CCDC116: variants seen among roughly 807,000 people sequenced by gnomAD.
The protein encoded by CCDC116 is coiled-coil domain containing 116.
Under a neutral mutation model 29.4 loss-of-function variants are expected in CCDC116, and 24 were observed. That is an observed-to-expected ratio of 0.82 (90% CI 0.59 to 1.15). CCDC116 has a LOEUF of 1.15. CCDC116 is among the 50% of genes most tolerant of loss of function. CCDC116 has a pLI of 0.00. For missense variants in CCDC116, 791 were observed against 804.0 expected, an observed-to-expected ratio of 0.98 and a Z score of 0.20; for synonymous variants, 298 against 331.4, an observed-to-expected ratio of 0.90 and a Z score of 1.10.
rs975545009 is a variant in CCDC116 at position 21,634,076 on chromosome 22, G to C, written c.127G>C (p.Gly43Arg). 43 of 1,613,918 alleles carry C rather than the reference G, an allele frequency of 2.7e-5. No homozygotes were observed. The highest frequency in any genetic ancestry group is 3.6e-5 in the Non-Finnish European group (42 of 1,179,914). ...AGAAATGCGGCCAGCCTGCAAGCCG[G>C]GCCGTGTGCCACACCCACCATCCAC... ...VPEMRPACKP[G>R]RVPHPPSTCG... Residue 43 changes from glycine (G) to arginine (R), a missense_variant, in exon 3 of 5, where the codon GGC (glycine) becomes CGC (arginine). Transcript: ENST00000292779.
chr22:21,633,085 T>G (rs557330925), intron 1 of CCDC116, 35 bp from the exon 2 acceptor site: 3 of 963,420 alleles, frequency 3.1e-6, no homozygotes, highest in African/African-American at 3.2e-5. Flanking sequence ...GTGGACCTAT[T>G]GGAGACCCTC....
chr22:21,636,449 C>T lies in CCDC116; in HGVS notation c.1221C>T (p.Ser407=). 6.2e-7 allele frequency: 1 copy of T among 1,613,140 alleles called. No individual in the cohort carries two copies. Among genetic ancestry groups the T allele is most frequent in the Non-Finnish European group, 8.5e-7 (1 of 1,179,730 alleles). Residue 407 remains serine, a synonymous_variant, in exon 5 of 5, where the codon AGC becomes AGT. Transcript: ENST00000292779. ...RFKLKSPCSS[S]RFTKKKPLPS... ...CTATGCAGAGCCCCTGCAGCAGCAG[C>T]AGGTTCACGAAGAAGAAGCCGCTGC... is the stretch of plus-strand genomic sequence containing the variant.
At chr22:21,633,966 G>A (rs1380000878) in intron 2 of CCDC116, 56 bp from the exon 3 acceptor site, 2 of 1,513,992 alleles carry the variant, frequency 1.3e-6, no homozygotes, top group Non-Finnish European at 1.8e-6. Flanking sequence ...TGTTACCCCA[G>A]GGAACCCTTC....
rs555243931 is a variant in CCDC116, at chr22:21,637,069, A to G, written c.1841A>G (p.Ter614TrpextTer24). 23 of 1,600,130 alleles carry G rather than the reference A, an allele frequency of 1.4e-5. No individual in the cohort carries two copies. The South Asian group carries it at 2.3e-4, about 16-fold the overall frequency. Residue 614 changes from the stop codon to tryptophan, a stop_lost, in exon 5 of 5, where the codon TAG becomes TGG. Transcript: ENST00000292779. ...GAGGACAAGGATGAGGATGGAGTCT[A>G]GAGCCTCCCAGAGCCTGGAGAGGAG... Reference protein sequence around the residue: ...QDEDKDEDGV* With the variant: ...QDEDKDEDGVW
Position 21,634,592 on chromosome 22 carries a change from G to A in CCDC116, c.621+22G>A, listed in dbSNP as rs752657185. 3.2e-6 allele frequency: 5 copies of A among 1,578,300 alleles called. No homozygotes were observed. The South Asian group carries it at 5.8e-5, about 18-fold the overall frequency. On this transcript the variant is annotated intron_variant, in intron 3 of 4. Transcript: ENST00000292779. The stretch of plus-strand genomic sequence containing the variant: ...AGGGGTGAGAGCCAGGGCCATGGCT[G>A]GGTGGGGTGGACTCCCATGGAGAGC...
rs1244378364 is a variant in CCDC116, at chr22:21,634,988, C to T, written c.925C>T (p.Leu309Phe). 1 of 1,611,630 alleles carries T rather than the reference C, an allele frequency of 6.2e-7. No individual in the cohort carries two copies. The highest frequency in any genetic ancestry group is 1.1e-5 in the South Asian group (1 of 91,078). Reference sequence around the variant, plus strand: ...GCTGAACTTCCTGGCTGACCACCGCCTCTTCCCTGCCCTGCAAAGCGTGGT... The same window carrying T: ...GCTGAACTTCCTGGCTGACCACCGCTTCTTCCCTGCCCTGCAAAGCGTGGT... Reference protein sequence around the residue: ...RTLNFLADHRLFPALQSVVSQ... With the variant: ...RTLNFLADHRFFPALQSVVSQ... The change falls in exon 4 of 5, where the codon CTC becomes TTC. Residue 309 changes from leucine to phenylalanine, a missense_variant. Transcript: ENST00000292779.
At position 21,634,269 on chromosome 22, in the gene CCDC116, C is replaced by T. The variant is rs773055252; in HGVS notation, c.320C>T (p.Pro107Leu). 1.2e-5 allele frequency: 20 copies of T among 1,613,800 alleles called. No homozygotes were observed. The highest frequency in any genetic ancestry group is 3.3e-5 in the Admixed American group (2 of 59,998). ...MAAMKTEAGVPLVEVQDPVEV... is the reference protein window; with the variant it reads ...MAAMKTEAGVLLVEVQDPVEV... ...GCCATGAAGACGGAGGCTGGGGTGC[C>T]GCTTGTGGAGGTGCAGGACCCAGTG... Residue 107 changes from proline to leucine, a missense_variant, in exon 3 of 5, where the codon CCG becomes CTG. Coordinates refer to ENST00000292779, the MANE Select transcript of CCDC116 (RefSeq NM_152612.3).
intron 2 of CCDC116, among the ~76,000 whole-genome samples, chr22:21,633,718 C>T (rs55771333): frequency 0.017 from 2,546 of 152,298 alleles, 80 homozygotes; most frequent in African/African-American, 0.058. Context: ...CGTGTCAGGG[C>T]AGAAGCAGGC....
Position 21,634,469 on chromosome 22 carries a change from C to T in CCDC116, c.520C>T (p.Arg174Trp), listed in dbSNP as rs201137148. 668 of 1,614,178 alleles carry T rather than the reference C, an allele frequency of 4.1e-4. 6 individuals are homozygous for T. The highest frequency in any genetic ancestry group is 2.5e-4 in the Non-Finnish European group (291 of 1,180,030). ...LMAGCLGSHS[R>W]DSDLGAQGSL... is the part of the protein sequence containing the mutation. ...GGCCGGCTGTCTGGGCTCCCACAGC[C>T]GGGACAGTGACCTAGGTGCCCAAGG... The change falls in exon 3 of 5, where the codon CGG (arginine) becomes TGG (tryptophan). Residue 174 changes from arginine to tryptophan, a missense_variant. Physicochemically the swap from Arg to Trp is moderately radical, Grantham distance 101. Coordinates refer to ENST00000292779, the MANE Select transcript of CCDC116 (RefSeq NM_152612.3).
At chr22:21,633,894 C>T (rs1053616870) in intron 2 of CCDC116, 128 bp from the exon 3 acceptor site, 28 of 965,786 alleles carry the variant, frequency 2.9e-5, no homozygotes, top group Middle Eastern at 6.8e-4. Context: ...AGGGTCCAAA[C>T]CCAGGGCTTC....
rs11705317 is a variant in CCDC116 at position 21,636,831 on chromosome 22, G to C, written c.1603G>C (p.Ala535Pro). Residue 535 changes from alanine (A) to proline (P), a missense_variant, in exon 5 of 5, where the codon GCC (alanine) becomes CCC (proline). Ala to Pro is a conservative substitution (Grantham distance 27). Coordinates refer to ENST00000292779, the MANE Select transcript of CCDC116 (RefSeq NM_152612.3). ...GCAGCAGGAACCAGCCACCCACACTGCCCAGGACCAGGCCACAGAGCCCTG... is the reference window on the plus strand; with the variant it reads ...GCAGCAGGAACCAGCCACCCACACTCCCCAGGACCAGGCCACAGAGCCCTG... ...SVQQEPATHT[A>P]QDQATEPCRS... 4 of 1,613,208 alleles carry C rather than the reference G, an allele frequency of 2.5e-6. No homozygotes were observed. Among genetic ancestry groups the C allele is most frequent in the Non-Finnish European group, 3.4e-6 (4 of 1,180,008 alleles).
chr22:21,634,872 G>GA lies in CCDC116; in HGVS notation c.810dup (p.Glu271ArgfsTer4). ...GAACAGGAGCCAATCTTCCGCAAGC[G>GA]AGAGTTCAATAAGGAGATCAAGTCA... On this transcript the variant is annotated frameshift_variant, in exon 4 of 5. Transcript: ENST00000292779. LOFTEE classifies it high-confidence loss of function. 6.2e-7 allele frequency: 1 copy of GA among 1,614,008 alleles called. No individual in the cohort carries two copies. The highest frequency in any genetic ancestry group is 8.5e-7 in the Non-Finnish European group (1 of 1,180,040).
chr22:21,633,727 G>T (rs1306676540), intron 2 of CCDC116, among the ~76,000 whole-genome samples: 1 of 152,208 alleles, frequency 6.6e-6, no homozygotes, highest in African/African-American at 2.4e-5. Context: ...GCAGAAGCAG[G>T]CTTGCAGACT....
At position 21,636,756 on chromosome 22, in the gene CCDC116, C is replaced by T. The variant is rs1480273752; in HGVS notation, c.1528C>T (p.Gln510Ter). The change falls in exon 5 of 5, where the codon CAG becomes TAG. Residue 510 changes from glutamine (Q) to a stop codon, truncating the protein, a stop_gained. Transcript: ENST00000292779. LOFTEE classifies it low-confidence loss of function (END_TRUNC). Reference protein sequence around the residue: ...RKLEESKRARQASRLSTSHCS... With the variant: ...RKLEESKRAR ...ACTGGAGGAGTCCAAAAGGGCCCGG[C>T]AGGCCTCCCGGCTCAGCACCTCCCA... 3.7e-6 allele frequency: 6 copies of T among 1,612,644 alleles called. No individual in the cohort carries two copies. The highest frequency in any genetic ancestry group is 5.1e-6 in the Non-Finnish European group (6 of 1,179,992).
rs778950088 is a variant in CCDC116 at position 21,635,184 on chromosome 22, A to C, written c.1121A>C (p.Lys374Thr). 1 of 1,600,468 alleles carries C rather than the reference A, an allele frequency of 6.2e-7. No homozygotes were observed. The highest frequency in any genetic ancestry group is 8.5e-7 in the Non-Finnish European group (1 of 1,179,938). ...ASPRPTVSSP[K>T]MLQRKRKDRG... is the part of the protein sequence containing the mutation. ...CCCCGCCCCACAGTCTCCAGCCCCA[A>C]GATGCTTCAGAGAAAACGCAAGGAC... The change falls in exon 4 of 5, where the codon AAG becomes ACG. Residue 374 changes from lysine to threonine, a missense_variant. By Grantham distance (78) the Lys-to-Thr change is moderately conservative (BLOSUM62 -1). Transcript: ENST00000292779.
chr22:21,635,160 C>A lies in CCDC116; in HGVS notation c.1097C>A (p.Pro366His), dbSNP rs553299459. Residue 366 changes from proline (P) to histidine (H), a missense_variant, in exon 4 of 5, where the codon CCC becomes CAC. Transcript: ENST00000292779. ...AATGGCGGGCAGCCCTATGCTTCCC[C>A]CCGCCCCACAGTCTCCAGCCCCAAG... ...PTNGGQPYAS[P>H]RPTVSSPKML... 1 of 1,601,848 alleles carries A rather than the reference C, an allele frequency of 6.2e-7. No individual in the cohort carries two copies. Among genetic ancestry groups the A allele is most frequent in the African/African-American group, 1.3e-5 (1 of 75,030 alleles).
intron 1 of CCDC116, 96 bp from the exon 2 acceptor site, chr22:21,633,021 AAGG>A: frequency 1.4e-6 from 1 of 719,540 alleles, no homozygotes; most frequent in East Asian, 2.7e-5. Context: ...TGGATGCATG[AAGG>A]AGGCGGGGTG....
intron 4 of CCDC116, chr22:21,635,490 C>A (rs1400357872): frequency 1.4e-6 from 1 of 703,186 alleles, no homozygotes; most frequent in African/African-American, 1.7e-5. Context: ...CCTCCACTTT[C>A]CTCCCCCTAC....
intron 1 of CCDC116, 24 bp from the exon 2 acceptor site, chr22:21,633,096 A>T (rs1253019665): frequency 9.2e-7 from 1 of 1,090,558 alleles, no homozygotes; most frequent in Non-Finnish European, 1.4e-6. Flanking sequence ...GGAGACCCTC[A>T]GGTTGTCTCC....
Sources: gnomAD v4.1 joint callset for allele counts (sites outside exome capture counted in the v4.1 genomes callset) on GRCh38, gnomAD v4.1.1 for gene constraint, MANE v1.5 for transcripts, NCBI Gene and HGNC (gene_info 2026-07-23, HGNC 2026-07-21) for gene names.